Variants in COMMD10 observed in about 807,000 individuals in gnomAD.
COMMD10 encodes the protein COMM domain-containing protein 10.
A neutral mutation model predicts 28.9 loss-of-function variants in COMMD10; 33 were observed. The observed-to-expected ratio is 1.14, with a 90% CI of 0.87 to 1.53. The LOEUF (loss-of-function observed/expected upper bound fraction) is 1.53. COMMD10 is among the 40% of genes most tolerant of loss of function. The pLI, the probability that COMMD10 is intolerant of heterozygous loss-of-function variation, is 0.00. For missense variants in COMMD10, 310 were observed against 233.4 expected, an observed-to-expected ratio of 1.33 and a Z score of -2.14; for synonymous variants, 110 against 81.7, an observed-to-expected ratio of 1.35 and a Z score of -1.87.
chr5:116,187,996 T>G (rs1458658595), intron 5 of COMMD10, among the ~76,000 whole-genome samples: 1 of 152,182 alleles, frequency 6.6e-6, no homozygotes, highest in African/African-American at 2.4e-5. Flanking sequence ...GTATATAGAT[T>G]CAGATCTGGA....
chr5:116,226,996 T>C (rs190053504), intron 5 of COMMD10, among the ~76,000 whole-genome samples: 11 of 152,198 alleles, frequency 7.2e-5, no homozygotes, highest in Admixed American at 3.3e-4. Flanking sequence ...GCCCGAAGTG[T>C]AGATAAGTTT....
chr5:116,260,883 A>T (rs1750423490), intron 5 of COMMD10, among the ~76,000 whole-genome samples: 1 of 151,814 alleles, frequency 6.6e-6, no homozygotes, highest in Admixed American at 6.6e-5. Context: ...TGGAGTAAGT[A>T]TTGTGTCTTT....
At chr5:116,119,896 G>T (rs1330948406) in intron 4 of COMMD10, among the ~76,000 whole-genome samples, 2 of 152,058 alleles carry the variant, frequency 1.3e-5, no homozygotes, top group Non-Finnish European at 2.9e-5. Context: ...CTAGGATTAC[G>T]GGTGTGAGTC....
intron 4 of COMMD10, among the ~76,000 whole-genome samples, chr5:116,117,785 T>C (rs1437810113): frequency 6.6e-6 from 1 of 152,190 alleles, no homozygotes; most frequent in Non-Finnish European, 1.5e-5. Flanking sequence ...TCATTCTTAA[T>C]GCATTCAAAT....
At chr5:116,134,015 C>T in intron 4 of COMMD10, 53 bp from the exon 5 acceptor site, 3 of 1,028,618 alleles carry the variant, frequency 2.9e-6, no homozygotes, top group Admixed American at 3.4e-5. Flanking sequence ...TTAAAGTTGA[C>T]TGTTTTCTTC....
intron 5 of COMMD10, among the ~76,000 whole-genome samples, chr5:116,287,187 T>C (rs534205661): frequency 3.3e-5 from 5 of 151,916 alleles, no homozygotes; most frequent in African/African-American, 9.7e-5. Flanking sequence ...TTGTACTTTT[T>C]CTTAAAGCTG....
At chr5:116,113,279 G>A (rs1016635623) in intron 4 of COMMD10, among the ~76,000 whole-genome samples, 1 of 151,586 alleles carries the variant, frequency 6.6e-6, no homozygotes, top group African/African-American at 2.4e-5. Flanking sequence ...ATTATAATAT[G>A]TTGTATTGAA....
intron 4 of COMMD10, among the ~76,000 whole-genome samples, chr5:116,120,044 T>C (rs1238123838): frequency 2.0e-5 from 3 of 152,118 alleles, no homozygotes; most frequent in Non-Finnish European, 4.4e-5. Flanking sequence ...GTAATCAAGA[T>C]ACAGAGCATT....
chr5:116,146,140 A>C (rs1752342046), intron 5 of COMMD10, among the ~76,000 whole-genome samples: 1 of 151,794 alleles, frequency 6.6e-6, no homozygotes, highest in Non-Finnish European at 1.5e-5. Context: ...TACATGTAAA[A>C]CTTGAAAGCT....
At chr5:116,118,420 ATTTGTTGAATG>A (rs1276011759) in intron 4 of COMMD10, among the ~76,000 whole-genome samples, 1 of 152,192 alleles carries the variant, frequency 6.6e-6, no homozygotes, top group Non-Finnish European at 1.5e-5. Flanking sequence ...GTCAGTAAAT[ATTTGTTGAATG>A]AATGCATGTG....
chr5:116,144,585 T>A (rs1302871030), intron 5 of COMMD10, among the ~76,000 whole-genome samples: 1 of 149,774 alleles, frequency 6.7e-6, no homozygotes, highest in Non-Finnish European at 1.5e-5. Flanking sequence ...GTGATCAGTT[T>A]GTGGGACAGG....
intron 5 of COMMD10, among the ~76,000 whole-genome samples, chr5:116,182,418 G>C (rs952799972): frequency 6.6e-6 from 1 of 151,744 alleles, no homozygotes; most frequent in Admixed American, 6.6e-5. Flanking sequence ...GTGGGGGGTG[G>C]GTGTCAGTGA....
intron 5 of COMMD10, among the ~76,000 whole-genome samples, chr5:116,204,160 T>C (rs1580546090): frequency 6.6e-6 from 1 of 152,046 alleles, no homozygotes; most frequent in African/African-American, 2.4e-5. Context: ...TACATCATGG[T>C]AAAGGGATCA....
At chr5:116,165,922 C>G (rs1232607348) in intron 5 of COMMD10, among the ~76,000 whole-genome samples, 4 of 152,096 alleles carry the variant, frequency 2.6e-5, no homozygotes, top group Non-Finnish European at 5.9e-5. Context: ...CTTGATTACC[C>G]TTTATCTGCC....
intron 4 of COMMD10, among the ~76,000 whole-genome samples, chr5:116,098,650 T>G (rs1750545201): frequency 6.6e-6 from 1 of 152,164 alleles, no homozygotes; most frequent in South Asian, 2.1e-4. Flanking sequence ...ATGAGGGACT[T>G]GAGTATCTGC....
chr5:116,094,571 G>A (rs1580439138), intron 4 of COMMD10, among the ~76,000 whole-genome samples: 1 of 152,160 alleles, frequency 6.6e-6, no homozygotes, highest in South Asian at 2.1e-4. Context: ...GCTTTTGGTG[G>A]CAATGTATAT....
At chr5:116,190,557 G>C (rs1398915879) in intron 5 of COMMD10, among the ~76,000 whole-genome samples, 1 of 152,174 alleles carries the variant, frequency 6.6e-6, no homozygotes, top group African/African-American at 2.4e-5. Context: ...GCCTATGCCA[G>C]TTTGGGTTAG....
At chr5:116,124,962 C>G (rs923224637) in intron 4 of COMMD10, among the ~76,000 whole-genome samples, 4 of 152,132 alleles carry the variant, frequency 2.6e-5, no homozygotes, top group East Asian at 3.8e-4. Flanking sequence ...ATGTGTGTCT[C>G]TGCACGTGAA....
At chr5:116,236,560 C>G (rs1193163524) in intron 5 of COMMD10, among the ~76,000 whole-genome samples, 2 of 149,754 alleles carry the variant, frequency 1.3e-5, no homozygotes, top group Non-Finnish European at 3.0e-5. Context: ...GACATGGAGA[C>G]CCCTTAAATA....
Sources: gnomAD v4.1 joint callset for allele counts (sites outside exome capture counted in the v4.1 genomes callset) on GRCh38, gnomAD v4.1.1 for gene constraint, MANE v1.5 for transcripts, NCBI Gene and HGNC (gene_info 2026-07-23, HGNC 2026-07-21) for gene names.